Variants in SLC44A5 observed in about 807,000 individuals in gnomAD.
SLC44A5 encodes solute carrier family 44 member 5, also known as choline transporter-like protein 5.
Under a neutral mutation model 101.8 loss-of-function variants are expected in SLC44A5, and 57 were observed. The ratio of observed to expected loss-of-function variants is 0.56; its 90% CI spans 0.45 to 0.70. The LOEUF is 0.70. Among genes scored for constraint, SLC44A5 ranks in the 30% least tolerant of loss-of-function variants. The probability of loss-of-function intolerance (pLI) is 0.00; values close to 1 mark genes in which losing one functional copy is unlikely to be tolerated. For missense variants in SLC44A5, 737 were observed against 853.1 expected (o/e 0.86, Z 1.70); for synonymous variants, 281 against 290.9 (o/e 0.97, Z 0.35).
At chr1:75,542,856 T>C (rs1210470195) in intron 1 of SLC44A5, among the ~76,000 whole-genome samples, 1 of 152,206 alleles carries the variant, frequency 6.6e-6, no homozygotes, top group Non-Finnish European at 1.5e-5. Context: ...TCTTTTATAG[T>C]TGTAATTTGT....
intron 1 of SLC44A5, among the ~76,000 whole-genome samples, chr1:75,595,996 A>G (rs185883939): frequency 1.7e-3 from 259 of 152,336 alleles, no homozygotes; most frequent in African/African-American, 6.1e-3. Context: ...TAGCTTTCTG[A>G]GAATTTCTAA....
Position 75,577,802 on chromosome 1 carries a change from T to G in SLC44A5, c.-70+33238A>C, listed in dbSNP as rs542467359. Among the ~76,000 whole-genome samples the G allele has an allele frequency of 5.9e-5, 9 of 152,348 alleles. 1 individual carries two copies. In the South Asian group the frequency reaches 8.3e-4, roughly 14 times the overall value. On this transcript the variant is annotated intron_variant, in intron 1 of 23. Coordinates refer to ENST00000370859, the MANE Select transcript of SLC44A5 (RefSeq NM_001130058.2). ...CTATTGTGTACCTATTCTGGGACATTACTGAGTTCAATAAGTTAATAAGTA... is the reference window on the plus strand; with the variant it reads ...CTATTGTGTACCTATTCTGGGACATGACTGAGTTCAATAAGTTAATAAGTA...
At chr1:75,709,553 G>T in the SLC44A5 span, among the ~76,000 whole-genome samples, 1 of 152,150 alleles carries the variant, frequency 6.6e-6, no homozygotes, top group Admixed American at 6.5e-5. Context: ...CTTTCTTGAT[G>T]TAATTATGGT....
chr1:75,241,640 C>T (rs1648639026), intron 9 of SLC44A5, among the ~76,000 whole-genome samples: 1 of 152,038 alleles, frequency 6.6e-6, no homozygotes. Flanking sequence ...ACTCCTCAGG[C>T]AATTTCTGAA....
chr1:75,584,557 C>T (rs560699720), intron 1 of SLC44A5, among the ~76,000 whole-genome samples: 7 of 152,066 alleles, frequency 4.6e-5, no homozygotes, highest in African/African-American at 1.2e-4. Context: ...ACTGTGTTTG[C>T]TTTTGGGGGT....
rs1161275044 is a variant in SLC44A5 at position 75,374,290 on chromosome 1, C to A, written c.52+22293G>T. ...CACCACTCTCCCTCAGGATCCTCCA[C>A]TCTTGACCCACTGAATCACCAGACT... On this transcript the variant is annotated intron_variant, in intron 3 of 23. Transcript: ENST00000370859. Among the ~76,000 whole-genome samples, 5 of 152,208 alleles carry A rather than the reference C, an allele frequency of 3.3e-5. No individual in the cohort carries two copies. The East Asian group carries it at 9.7e-4, about 29-fold the overall frequency.
chr1:75,499,450 C>A (rs1050110877), intron 2 of SLC44A5, among the ~76,000 whole-genome samples: 5 of 152,336 alleles, frequency 3.3e-5, no homozygotes, highest in Admixed American at 1.3e-4. Flanking sequence ...TCACCTCCTG[C>A]TGTGTGGCCC....
At chr1:75,582,318 TG>T in intron 1 of SLC44A5, 1 of 1,477,986 alleles carries the variant, frequency 6.8e-7, no homozygotes, top group Non-Finnish European at 9.3e-7. Flanking sequence ...ATCAAGGCCC[TG>T]GTAAAGCCCA....
chr1:75,419,715 T>C (rs1019733653), intron 2 of SLC44A5, among the ~76,000 whole-genome samples: 1 of 152,118 alleles, frequency 6.6e-6, no homozygotes, highest in Non-Finnish European at 1.5e-5. Flanking sequence ...ATAAATACAA[T>C]TTTGTCAGTT....
At chr1:75,548,059 T>G (rs898361331) in intron 1 of SLC44A5, among the ~76,000 whole-genome samples, 1 of 152,166 alleles carries the variant, frequency 6.6e-6, no homozygotes, top group Non-Finnish European at 1.5e-5. Context: ...ATACTTTATT[T>G]CCATTTTCCA....
chr1:75,250,887 C>G (rs1649513081), intron 7 of SLC44A5, among the ~76,000 whole-genome samples: 1 of 152,134 alleles, frequency 6.6e-6, no homozygotes. Flanking sequence ...GTTATAGTAG[C>G]TAGCTTTACT....
In SLC44A5 at chr1:75,233,650, C is replaced by T. The variant is rs537475770; in HGVS notation, c.853+336G>A. Among the ~76,000 whole-genome samples, 19 of 152,088 alleles carry T rather than the reference C, an allele frequency of 1.2e-4. No homozygotes were observed. In the South Asian group the frequency reaches 3.7e-3, roughly 30 times the overall value. ...GACCTGGCCTTTGATCGGATAGAAA[C>T]GTTAAAGAAATAAAAGAAGTTGTCT... is the stretch of plus-strand genomic sequence containing the variant. On this transcript the variant is annotated intron_variant, in intron 12 of 23. Transcript: ENST00000370859.
intron 2 of SLC44A5, chr1:75,402,505 A>G: frequency 3.1e-6 from 1 of 324,434 alleles, no homozygotes; most frequent in Non-Finnish European, 6.5e-6. Context: ...TCTCATAGGG[A>G]CTGGTTAGAC....
chr1:75,271,459 C>T (rs1651462514), intron 6 of SLC44A5, among the ~76,000 whole-genome samples: 2 of 149,880 alleles, frequency 1.3e-5, no homozygotes, highest in South Asian at 4.3e-4. Context: ...TCTCCCCCTC[C>T]TCGAGTCCCC....
intron 7 of SLC44A5, among the ~76,000 whole-genome samples, chr1:75,246,018 T>A (rs1649073792): frequency 6.6e-6 from 1 of 152,118 alleles, no homozygotes; most frequent in South Asian, 2.1e-4. Flanking sequence ...AGATGCACCG[T>A]CTGGAAGACT....
intron 2 of SLC44A5, among the ~76,000 whole-genome samples, chr1:75,448,326 C>T (rs1665704107): frequency 3.3e-5 from 5 of 152,070 alleles, no homozygotes; most frequent in Admixed American, 3.3e-4. Context: ...ATGTCCCAGC[C>T]CATGGGAAGG....
chr1:75,702,269 C>T, the SLC44A5 span, among the ~76,000 whole-genome samples: 2 of 152,130 alleles, frequency 1.3e-5, no homozygotes, highest in Admixed American at 6.5e-5. Context: ...TACTACAAGG[C>T]TACAATAACG....
chr1:75,480,244 G>C (rs1168611157), intron 2 of SLC44A5, among the ~76,000 whole-genome samples: 1 of 152,104 alleles, frequency 6.6e-6, no homozygotes, highest in East Asian at 1.9e-4. Context: ...GTATTGATGG[G>C]ACATATCTCA....
At chr1:75,484,278 G>A (rs1364417767) in intron 2 of SLC44A5, among the ~76,000 whole-genome samples, 1 of 152,190 alleles carries the variant, frequency 6.6e-6, no homozygotes, top group Non-Finnish European at 1.5e-5. Flanking sequence ...TTACTTCCAA[G>A]ATGCAATGGG....
Sources: gnomAD v4.1 joint callset for allele counts (sites outside exome capture counted in the v4.1 genomes callset) on GRCh38, gnomAD v4.1.1 for gene constraint, MANE v1.5 for transcripts, NCBI Gene and HGNC (gene_info 2026-07-23, HGNC 2026-07-21) for gene names.